Variants in CLEC16A observed in about 807,000 individuals in gnomAD.
CLEC16A encodes the protein protein CLEC16A.
CLEC16A carries 51 observed loss-of-function variants against 109.5 expected under a neutral mutation model. The ratio of observed to expected loss-of-function variants is 0.47; its 90% confidence interval spans 0.37 to 0.59. CLEC16A has a LOEUF of 0.59. CLEC16A is among the 20% of genes least tolerant of loss of function. The pLI is 0.00. For synonymous variants in CLEC16A, 673 were observed against 564.2 expected (o/e 1.19, Z -2.73); for missense variants, 1,339 against 1,394.0 (o/e 0.96, Z 0.63).
chr16:10,993,096 T>C (rs565460510), intron 10 of CLEC16A, among the ~76,000 whole-genome samples: 7 of 152,200 alleles, frequency 4.6e-5, no homozygotes, highest in African/African-American at 1.7e-4. Context: ...TTTCGTTTTA[T>C]AGAAGATGAA....
chr16:11,065,612 T>C (rs2048717467), intron 19 of CLEC16A, among the ~76,000 whole-genome samples: 1 of 152,150 alleles, frequency 6.6e-6, no homozygotes, highest in Non-Finnish European at 1.5e-5. Context: ...AAATGCATGA[T>C]CACAGACTGA....
chr16:11,108,486 A>C (rs1312909565), intron 19 of CLEC16A, among the ~76,000 whole-genome samples: 1 of 152,218 alleles, frequency 6.6e-6, no homozygotes, highest in Non-Finnish European at 1.5e-5. Context: ...GAACCAGCCA[A>C]CATCTCCCAC....
chr16:11,155,204 A>G (rs545190304), intron 22 of CLEC16A, among the ~76,000 whole-genome samples: 1 of 152,320 alleles, frequency 6.6e-6, no homozygotes, highest in East Asian at 1.9e-4. Context: ...CCGAGGAATC[A>G]AAACAGCGAG....
intron 21 of CLEC16A, among the ~76,000 whole-genome samples, chr16:11,124,749 G>A (rs11074952): frequency 0.3 from 45,852 of 152,034 alleles, 7,042 homozygotes; most frequent in African/African-American, 0.36. Context: ...AGGATTTTAA[G>A]CCTACCTGGG....
intron 13 of CLEC16A, among the ~76,000 whole-genome samples, chr16:11,028,146 G>A (rs1231856933): frequency 6.6e-6 from 1 of 152,240 alleles, no homozygotes; most frequent in Non-Finnish European, 1.5e-5. Flanking sequence ...GTTGCAGTGA[G>A]CTGAGATCAC....
Position 11,047,274 on chromosome 16 carries a change from C to G in CLEC16A, c.1816-18C>G. 1 of 1,602,658 alleles carries G rather than the reference C, an allele frequency of 6.2e-7. No individual in the cohort carries two copies. ...AAATATGAATAATCTCCTCTTCCCT[C>G]CCTTCCTTTCTTTTTAGGGAGAAGA... On this transcript the variant is annotated intron_variant, in intron 16 of 23. Transcript: ENST00000409790.
At chr16:10,955,402 G>A (rs1435314446) in intron 1 of CLEC16A, among the ~76,000 whole-genome samples, 1 of 152,194 alleles carries the variant, frequency 6.6e-6, no homozygotes, top group East Asian at 1.9e-4. Context: ...ATGGGAGGCA[G>A]ATCTTTGCAA....
rs148537845 is a variant in CLEC16A, at chr16:11,143,787, G to A, written c.2641+17641G>A. On this transcript the variant is annotated intron_variant, in intron 22 of 23. Transcript: ENST00000409790. ...ATCGTCAGAACCTCCCTGGGGAAAG[G>A]TAGGCATATGTTCATTTTGCAGTTG... 6.1e-3 allele frequency among the ~76,000 whole-genome samples: 936 copies of A among 152,320 alleles called. 7 individuals are homozygous for A. The highest frequency in any genetic ancestry group is 0.021 in the African/African-American group (874 of 41,552).
intron 11 of CLEC16A, among the ~76,000 whole-genome samples, chr16:11,019,590 G>A (rs530940022): frequency 6.6e-6 from 1 of 152,114 alleles, no homozygotes; most frequent in East Asian, 1.9e-4. Flanking sequence ...CCAACATGGC[G>A]AAACTCTGTC....
At chr16:11,118,161 C>T (rs1208162283) in intron 19 of CLEC16A, among the ~76,000 whole-genome samples, 2 of 151,672 alleles carry the variant, frequency 1.3e-5, no homozygotes, top group East Asian at 1.9e-4. Flanking sequence ...ACTATGTTGC[C>T]CAGGCTGGTC....
intron 18 of CLEC16A, among the ~76,000 whole-genome samples, chr16:11,055,872 A>G (rs2048187557): frequency 6.6e-6 from 1 of 152,070 alleles, no homozygotes; most frequent in South Asian, 2.1e-4. Context: ...TACAGGCGTG[A>G]GCCACCATGC....
chr16:11,032,992 G>A (rs2046831111), intron 13 of CLEC16A, among the ~76,000 whole-genome samples: 1 of 152,176 alleles, frequency 6.6e-6, no homozygotes, highest in Non-Finnish European at 1.5e-5. Flanking sequence ...GACTGGGGGT[G>A]GGGATGAGTT....
chr16:11,060,386 C>T (rs1438140128), intron 18 of CLEC16A, among the ~76,000 whole-genome samples: 1 of 152,246 alleles, frequency 6.6e-6, no homozygotes, highest in African/African-American at 2.4e-5. Flanking sequence ...CATTTCATTT[C>T]ACCCTCTTCT....
At chr16:11,099,630 C>T (rs1234579549) in intron 19 of CLEC16A, among the ~76,000 whole-genome samples, 1 of 152,154 alleles carries the variant, frequency 6.6e-6, no homozygotes, top group African/African-American at 2.4e-5. Context: ...CTTTCAGGAT[C>T]CCAGCTCCGT....
In CLEC16A at chr16:11,174,175, G is replaced by A. The variant is rs765598804; in HGVS notation, c.2807-4160G>A. On this transcript the variant is annotated intron_variant, in intron 23 of 23. Transcript: ENST00000409790. The surrounding 1 kb of genome is among the most constrained non-coding windows in gnomAD (Gnocchi z 4.7). ...CTAGTCAGGAGTGGCAGGAAAGGAC[G>A]CCGACGAGTGTTCAGCCTGTCGGAG... is the stretch of plus-strand genomic sequence containing the variant. The A allele has an allele frequency of 6.4e-6, 3 of 469,842 alleles. No homozygotes were observed. The highest frequency in any genetic ancestry group is 1.3e-5 in the Non-Finnish European group (3 of 226,906). The allele number at this position is 469,842 out of a possible 1,614,324, so 29.1% of individuals were successfully genotyped here.
intron 12 of CLEC16A, among the ~76,000 whole-genome samples, 154 bp downstream of exon 12, chr16:11,020,479 A>T (rs189251752): frequency 2.5e-4 from 38 of 152,340 alleles, no homozygotes; most frequent in African/African-American, 7.9e-4. Context: ...CTGGCCACCC[A>T]GAAGCATGGA....
At chr16:11,125,913 CCA>C in intron 21 of CLEC16A, 64 bp from the exon 22 acceptor site, 1 of 236,442 alleles carries the variant, frequency 4.2e-6, no homozygotes, top group Non-Finnish European at 8.6e-6. Context: ...GTCCCCCCCC[CCA>C]AATTCTCACC....
rs1186369638 is a variant in CLEC16A at position 11,166,454 on chromosome 16, C to CCGCCAGCGGGAG, written c.2710_2721dup (p.Ala904_Ser907dup). ...TCCCTGTCCTCACAGTCGCCACCCTCCGCCAGCGGGAGCCCCAGCGGCAGC... is the reference window on the plus strand; with the variant it reads ...TCCCTGTCCTCACAGTCGCCACCCTCCGCCAGCGGGAGCGCCAGCGGGAGCCCCAGCGGCAGC... On this transcript the variant is annotated inframe_insertion, in exon 23 of 24. Transcript: ENST00000409790. 1 of 1,607,804 alleles carries CCGCCAGCGGGAG rather than the reference C, an allele frequency of 6.2e-7. No homozygotes were observed. Among genetic ancestry groups the CCGCCAGCGGGAG allele is most frequent in the East Asian group, 2.2e-5 (1 of 44,880 alleles).
At chr16:11,166,246 C>A in intron 22 of CLEC16A, 142 bp from the exon 23 acceptor site, 1 of 864,536 alleles carries the variant, frequency 1.2e-6, no homozygotes. Flanking sequence ...GTCAGGGCCA[C>A]GACCAGTGAG....
Sources: allele counts gnomAD v4.1 joint callset (sites outside exome capture counted in the v4.1 genomes callset), GRCh38; gene constraint gnomAD v4.1.1; non-coding constraint Gnocchi (gnomAD v3.1); transcripts MANE v1.5; gene names NCBI Gene and HGNC (gene_info 2026-07-23, HGNC 2026-07-21).